Variants in MACROD2 observed in about 807,000 individuals in gnomAD.
MACROD2 encodes ADP-ribose glycohydrolase MACROD2.
Under a neutral mutation model 70.4 loss-of-function variants are expected in MACROD2, and 36 were observed. The ratio of observed to expected loss-of-function variants is 0.51; its 90% CI spans 0.39 to 0.68. The LOEUF (loss-of-function observed/expected upper bound fraction) is 0.68. Among genes scored for constraint, MACROD2 ranks in the 30% least tolerant of loss-of-function variants. The pLI is 0.00. For synonymous variants in MACROD2, 172 were observed against 178.8 expected (o/e 0.96, Z 0.30); for missense variants, 496 against 538.4 (o/e 0.92, Z 0.78).
At chr20:15,842,311 C>T (rs2064180061) in intron 8 of MACROD2, among the ~76,000 whole-genome samples, 1 of 151,956 alleles carries the variant, frequency 6.6e-6, no homozygotes, top group East Asian at 1.9e-4. Flanking sequence ...GGACAGCATC[C>T]AGAATGTGAG....
intron 4 of MACROD2, among the ~76,000 whole-genome samples, chr20:14,596,337 G>T (rs1227305093): frequency 6.6e-6 from 1 of 150,518 alleles, no homozygotes; most frequent in Non-Finnish European, 1.5e-5. Context: ...TGATCCTCCC[G>T]CCTCGGCCTC....
At chr20:15,613,828 G>A (rs926380869) in intron 8 of MACROD2, among the ~76,000 whole-genome samples, 3 of 152,212 alleles carry the variant, frequency 2.0e-5, no homozygotes, top group Non-Finnish European at 4.4e-5. Context: ...GTCTGACCGT[G>A]TTATCTTAAA....
intron 5 of MACROD2, among the ~76,000 whole-genome samples, chr20:15,140,805 A>G (rs2076186114): frequency 6.6e-6 from 1 of 152,152 alleles, no homozygotes; most frequent in Non-Finnish European, 1.5e-5. Flanking sequence ...GAAATATATC[A>G]CACTCTCCCA....
At chr20:15,639,014 A>G (rs200776) in intron 8 of MACROD2, among the ~76,000 whole-genome samples, 40,703 of 151,982 alleles carry the variant, frequency 0.27, 5,806 homozygotes, top group African/African-American at 0.34. Flanking sequence ...GGAAGGTGCC[A>G]GTGAAAGACA....
At position 15,972,720 on chromosome 20, in the gene MACROD2, GA is replaced by G. The variant is rs554001226; in HGVS notation, c.985+5092del. Among the ~76,000 whole-genome samples the G allele has an allele frequency of 2.5e-4, 38 of 152,192 alleles. No homozygotes were observed. The South Asian group carries it at 3.1e-3, about 12-fold the overall frequency. ...AGCTACTTGGGAGGCTGAGTCAGGAGAATCACTTGAATCCAGGAGGCAGAGG... is the reference window on the plus strand; with the variant it reads ...AGCTACTTGGGAGGCTGAGTCAGGAGATCACTTGAATCCAGGAGGCAGAGG... On this transcript the variant is annotated intron_variant, in intron 13 of 17. Coordinates refer to ENST00000684519, the MANE Select transcript of MACROD2 (RefSeq NM_001351661.2).
intron 11 of MACROD2, among the ~76,000 whole-genome samples, chr20:15,935,278 G>A (rs1354532607): frequency 6.6e-6 from 1 of 152,108 alleles, no homozygotes; most frequent in Non-Finnish European, 1.5e-5. Context: ...TGTGAAGAAG[G>A]GTCCTAAATG....
At chr20:14,748,328 T>C (rs1239347656) in intron 5 of MACROD2, among the ~76,000 whole-genome samples, 1 of 152,134 alleles carries the variant, frequency 6.6e-6, no homozygotes, top group Admixed American at 6.5e-5. Context: ...ACATAACTCA[T>C]TGGGGAACTC....
chr20:14,989,367 G>A (rs144577620), intron 5 of MACROD2, among the ~76,000 whole-genome samples: 3 of 152,166 alleles, frequency 2.0e-5, no homozygotes, highest in African/African-American at 4.8e-5. Context: ...CTCAGCTGCT[G>A]TCCAGGCTCT....
chr20:14,288,826 A>C (rs1167528934), intron 3 of MACROD2, among the ~76,000 whole-genome samples: 1 of 152,206 alleles, frequency 6.6e-6, no homozygotes, highest in African/African-American at 2.4e-5. Context: ...GTGAATCTTA[A>C]AACATTTACT....
intron 6 of MACROD2, among the ~76,000 whole-genome samples, chr20:15,301,591 CTTTTTTTTTTTTTTTTT>C (rs71340214): frequency 1.2e-5 from 1 of 81,250 alleles, no homozygotes; most frequent in Non-Finnish European, 2.4e-5. Flanking sequence ...GGTAGGTGGC[CTTTTTTTTTTTTTTTTT>C]TTTTTTGTAG....
intron 3 of MACROD2, among the ~76,000 whole-genome samples, chr20:14,450,705 A>T (rs1436644310): frequency 1.3e-5 from 2 of 152,162 alleles, no homozygotes; most frequent in African/African-American, 2.4e-5. Context: ...TAAGGCTAAC[A>T]TGGGAGACCC....
intron 8 of MACROD2, among the ~76,000 whole-genome samples, chr20:15,740,186 T>G (rs546183321): frequency 7.9e-5 from 12 of 152,338 alleles, no homozygotes; most frequent in African/African-American, 2.4e-4. Flanking sequence ...CTTGGAATGC[T>G]ATCTGTGATT....
intron 4 of MACROD2, among the ~76,000 whole-genome samples, chr20:14,600,313 G>A (rs1420180218): frequency 8.2e-6 from 1 of 121,322 alleles, no homozygotes; most frequent in East Asian, 3.1e-4. Context: ...TAAAAAGTAT[G>A]TAATATGCAG....
chr20:16,007,002 C>T (rs2066798353), intron 15 of MACROD2, among the ~76,000 whole-genome samples: 1 of 152,144 alleles, frequency 6.6e-6, no homozygotes, highest in Non-Finnish European at 1.5e-5. Flanking sequence ...ACTACAATCA[C>T]AACTTAGAGG....
At chr20:14,536,229 T>C (rs1247581017) in intron 4 of MACROD2, among the ~76,000 whole-genome samples, 11 of 152,164 alleles carry the variant, frequency 7.2e-5, no homozygotes, top group Non-Finnish European at 1.5e-5. Context: ...AAAATAATTA[T>C]CTGTGACAAT....
Position 14,826,822 on chromosome 20 carries a change from T to G in MACROD2, c.418+141863T>G, listed in dbSNP as rs77451412. On this transcript the variant is annotated intron_variant, in intron 5 of 17. Coordinates refer to ENST00000684519, the MANE Select transcript of MACROD2 (RefSeq NM_001351661.2). ...CTGGTCTTAAAAGAAATGATTTTTC[T>G]GGTAGTTTTATAATTTTAGCAATTC... 8.5e-5 allele frequency among the ~76,000 whole-genome samples: 13 copies of G among 152,252 alleles called. 1 individual carries two copies. Among genetic ancestry groups the G allele is most frequent in the Non-Finnish European group, 1.3e-4 (9 of 67,998 alleles).
rs192238907 is a variant in MACROD2 at position 15,671,350 on chromosome 20, G to T, written c.645+171503G>T. On this transcript the variant is annotated intron_variant, in intron 8 of 17. Coordinates refer to ENST00000684519, the MANE Select transcript of MACROD2 (RefSeq NM_001351661.2). ...GACATGGCCAGATTTAAGAGATGAG[G>T]GAATATATCCCACCTGTTGGTGGAA... 3.5e-4 allele frequency among the ~76,000 whole-genome samples: 54 copies of T among 152,268 alleles called. 1 individual carries two copies. In the East Asian group the frequency reaches 0.01, roughly 28 times the overall value.
At chr20:14,208,651 G>T (rs551278142) in intron 3 of MACROD2, among the ~76,000 whole-genome samples, 118 of 152,252 alleles carry the variant, frequency 7.8e-4, no homozygotes, top group African/African-American at 2.7e-3. Context: ...AAAAGTAGTT[G>T]TTGATCTCTT....
At chr20:14,475,486 T>C (rs1376536616) in intron 3 of MACROD2, among the ~76,000 whole-genome samples, 1 of 152,192 alleles carries the variant, frequency 6.6e-6, no homozygotes, top group East Asian at 1.9e-4. Context: ...TCAGATAGTT[T>C]CACACAGTAG....
Sources: gnomAD v4.1 joint callset for allele counts (sites outside exome capture counted in the v4.1 genomes callset) on GRCh38, gnomAD v4.1.1 for gene constraint, MANE v1.5 for transcripts, NCBI Gene and HGNC (gene_info 2026-07-23, HGNC 2026-07-21) for gene names.